The following ZMYM2 variants were observed in gnomAD, a reference collection of about 807,000 sequenced individuals.
The protein encoded by ZMYM2 is zinc finger MYM-type protein 2.
Under a neutral mutation model 162.8 loss-of-function variants are expected in ZMYM2, and 56 were observed. That is an observed-to-expected ratio of 0.34 (90% CI 0.28 to 0.43). The LOEUF is 0.43. ZMYM2 is among the 20% of genes least tolerant of loss of function. The pLI, the probability that ZMYM2 is intolerant of heterozygous loss-of-function variation, is 1.00. For synonymous variants in ZMYM2, 510 were observed against 541.6 expected (o/e 0.94, Z 0.81); for missense variants, 1,275 against 1,621.8 (o/e 0.79, Z 3.67).
At chr13:20,007,357 G>A (rs1288526323) in intron 6 of ZMYM2, among the ~76,000 whole-genome samples, 2 of 151,782 alleles carry the variant, frequency 1.3e-5, no homozygotes, top group Admixed American at 6.6e-5. Flanking sequence ...GGCTGGTCTC[G>A]AACTCCTGAC....
chr13:20,059,025 T>C (rs1377642303), intron 15 of ZMYM2: 1 of 428,594 alleles, frequency 2.3e-6, no homozygotes, highest in Non-Finnish European at 4.3e-6. Flanking sequence ...GCATGTGGTT[T>C]GTAATGGTAA....
chr13:20,087,675 TATA>T lies in ZMYM2; in HGVS notation c.*1664_*1666del, dbSNP rs1364239875. 5.4e-6 allele frequency: 1 copy of T among 184,596 alleles called. No individual in the cohort carries two copies. The highest frequency in any genetic ancestry group is 1.1e-5 in the Non-Finnish European group (1 of 87,078). The allele number at this position is 184,596 out of a possible 1,614,324, so 11.4% of individuals were successfully genotyped here. A position where few individuals can be genotyped will look rare whatever the true frequency, so the allele number is the denominator to read the frequency against. ...ATCTGAATGTTTTGGCATAAAAAAT[TATA>T]ATGTTCTAACTTGTTTTATAAGTTG... On this transcript the variant is annotated 3_prime_UTR_variant, in exon 25 of 25. Transcript: ENST00000610343.
At chr13:19,913,931 C>A in the ZMYM2 span, among the ~76,000 whole-genome samples, 1 of 152,094 alleles carries the variant, frequency 6.6e-6, no homozygotes, top group Admixed American at 6.6e-5. Flanking sequence ...TGGAAGTGAA[C>A]AGTTGCAGTA....
chr13:19,953,682 C>A (rs1428649536), upstream of ZMYM2, among the ~76,000 whole-genome samples: 154 of 75,294 alleles, frequency 2.0e-3, no homozygotes, highest in Middle Eastern at 9.4e-3. Context: ...GACTCTGTCT[C>A]AAAAAAAAAA....
At chr13:20,007,337 G>A (rs1411266091) in intron 6 of ZMYM2, among the ~76,000 whole-genome samples, 17 of 152,000 alleles carry the variant, frequency 1.1e-4, no homozygotes, top group African/African-American at 3.4e-4. Flanking sequence ...GGGTTTCACC[G>A]TGTTAGCCAG....
chr13:19,882,179 C>CT, the ZMYM2 span, among the ~76,000 whole-genome samples: 1 of 151,948 alleles, frequency 6.6e-6, no homozygotes, highest in African/African-American at 2.4e-5. Context: ...ATAAATCAGA[C>CT]TTCATCAATA....
the ZMYM2 span, among the ~76,000 whole-genome samples, chr13:19,909,910 A>T: frequency 6.6e-6 from 1 of 152,034 alleles, no homozygotes; most frequent in African/African-American, 2.4e-5. Flanking sequence ...GAGTGGAAGA[A>T]AACATAAAGT....
At chr13:19,913,256 G>T in the ZMYM2 span, among the ~76,000 whole-genome samples, 15 of 152,116 alleles carry the variant, frequency 9.9e-5, no homozygotes. Flanking sequence ...GGCTGCTACT[G>T]GGCCTTTCTT....
chr13:19,970,984 C>T (rs546941152), intron 2 of ZMYM2, among the ~76,000 whole-genome samples: 69 of 151,982 alleles, frequency 4.5e-4, no homozygotes, highest in South Asian at 1.2e-3. Flanking sequence ...GAGGAAGATC[C>T]TGAGATGAGG....
At chr13:19,944,962 C>A in the ZMYM2 span, among the ~76,000 whole-genome samples, 5 of 151,128 alleles carry the variant, frequency 3.3e-5, no homozygotes, top group East Asian at 3.9e-4. Flanking sequence ...TGAACCACTG[C>A]GCCCGGCCCC....
chr13:20,027,453 T>G, intron 9 of ZMYM2, 135 bp downstream of exon 9: 8 of 622,266 alleles, frequency 1.3e-5, no homozygotes, highest in South Asian at 2.8e-5. Flanking sequence ...GTGGATATCC[T>G]AGTCACAGAA....
At chr13:20,057,540 T>C (rs1318618686) in intron 14 of ZMYM2, among the ~76,000 whole-genome samples, 3 of 152,302 alleles carry the variant, frequency 2.0e-5, no homozygotes, top group South Asian at 4.1e-4. Context: ...GTTTACTCTA[T>C]GTGATTACTG....
At chr13:20,061,369 T>TTCGGCG in intron 17 of ZMYM2, 145 bp downstream of exon 17, 1 of 692,170 alleles carries the variant, frequency 1.4e-6, no homozygotes. Flanking sequence ...TTTTTTATAT[T>TTCGGCG]AAGAGATCTA....
At chr13:20,054,240 G>A (rs1304751050) in intron 14 of ZMYM2, among the ~76,000 whole-genome samples, 4 of 152,182 alleles carry the variant, frequency 2.6e-5, no homozygotes, top group Non-Finnish European at 5.9e-5. Context: ...TTCTTTATTT[G>A]TAAAATCAAG....
At chr13:19,884,752 C>T in the ZMYM2 span, among the ~76,000 whole-genome samples, 36 of 152,100 alleles carry the variant, frequency 2.4e-4, no homozygotes, top group African/African-American at 8.5e-4. Context: ...ATAAATGTTA[C>T]AGCTCTTCAA....
At chr13:19,873,044 A>C in the ZMYM2 span, among the ~76,000 whole-genome samples, 2 of 152,238 alleles carry the variant, frequency 1.3e-5, no homozygotes, top group East Asian at 3.9e-4. Context: ...GCACATACTT[A>C]ATTTTGGAGA....
At chr13:20,031,583 T>C (rs1953142568) in intron 10 of ZMYM2, 148 bp downstream of exon 10, 2 of 581,574 alleles carry the variant, frequency 3.4e-6, no homozygotes, top group African/African-American at 1.9e-5. Context: ...TTTATTCTCA[T>C]GTGGGAGTGG....
chr13:19,965,237 ACT>A (rs1301507402), intron 2 of ZMYM2: 6 of 1,299,484 alleles, frequency 4.6e-6, no homozygotes, highest in Non-Finnish European at 6.0e-6. Flanking sequence ...TGTGTATATT[ACT>A]CTCTGCCGTA....
chr13:20,004,858 C>T lies in ZMYM2; in HGVS notation c.1134-216C>T, dbSNP rs532326575. On this transcript the variant is annotated intron_variant, in intron 4 of 24. Coordinates refer to ENST00000610343, the MANE Select transcript of ZMYM2 (RefSeq NM_197968.4). ...GTGAATTTAAAGATAAATTGAGTAG[C>T]GGCAAAGATTTAATAGTATAAAATA... Among the ~76,000 whole-genome samples the T allele has an allele frequency of 3.0e-4, 45 of 152,024 alleles. No homozygotes were observed. The South Asian group carries it at 8.5e-3, about 29-fold the overall frequency.
Sources: gnomAD v4.1 joint callset for allele counts (sites outside exome capture counted in the v4.1 genomes callset) on GRCh38, gnomAD v4.1.1 for gene constraint, MANE v1.5 for transcripts, NCBI Gene and HGNC (gene_info 2026-07-23, HGNC 2026-07-21) for gene names.